VIRMA: variants seen among roughly 807,000 people sequenced by gnomAD.
VIRMA encodes protein virilizer homolog.
A neutral mutation model predicts 182.4 loss-of-function variants in VIRMA; 65 were observed. The ratio of observed to expected loss-of-function variants is 0.36; its 90% confidence interval spans 0.29 to 0.44. VIRMA has a LOEUF of 0.44. Among genes scored for constraint, VIRMA ranks in the 20% least tolerant of loss-of-function variants. The pLI is 1.00. For missense variants in VIRMA, 1,752 were observed against 2,158.1 expected (o/e 0.81, Z 3.73); for synonymous variants, 709 against 743.1 (o/e 0.95, Z 0.75).
At position 94,491,704 on chromosome 8, in the gene VIRMA, G is replaced by A. The variant is rs763431931; in HGVS notation, c.5014C>T (p.Pro1672Ser). 6.2e-7 allele frequency: 1 copy of A among 1,614,014 alleles called. No individual in the cohort carries two copies. Among genetic ancestry groups the A allele is most frequent in the African/African-American group, 1.3e-5 (1 of 74,894 alleles). Residue 1672 changes from proline (P) to serine (S), a missense_variant, in exon 22 of 24, where the codon CCT becomes TCT. Physicochemically the swap from Pro to Ser is moderately conservative, Grantham distance 74 (BLOSUM62 -1). Transcript: ENST00000297591. ...ACTTTGAGTGGCCGTTTTGGTGGAG[G>A]TATTCCATCTTGAGGAACCACTTCT... Reference protein sequence around the residue: ...SKEVVPQDGIPPPKRPLKVSQ... With the variant: ...SKEVVPQDGISPPKRPLKVSQ...
At chr8:94,496,194 A>C in intron 18 of VIRMA, 134 bp downstream of exon 18, 1 of 772,484 alleles carries the variant, frequency 1.3e-6, no homozygotes, top group Non-Finnish European at 2.0e-6. Context: ...TTATTAATTC[A>C]AAGAGTTATT....
rs1398844932 is a variant in VIRMA, at chr8:94,496,542, C to T, written c.4231-62G>A. The T allele has an allele frequency of 2.1e-5, 29 of 1,370,164 alleles. No individual in the cohort carries two copies. The Admixed American group carries it at 5.1e-4, about 24-fold the overall frequency. The allele number at this position is 1,370,164 out of a possible 1,614,324, so 84.9% of individuals were successfully genotyped here. ...AGAAATTTACAAAGATGCATCCACA[C>T]TTATTCATATTATCTAAGCCATATG... On this transcript the variant is annotated intron_variant, in intron 17 of 23. Transcript: ENST00000297591.
chr8:94,493,919 A>T (rs1360526337), intron 20 of VIRMA, among the ~76,000 whole-genome samples: 1 of 152,208 alleles, frequency 6.6e-6, no homozygotes, highest in Non-Finnish European at 1.5e-5. Context: ...TTATACTCTT[A>T]CCTATTCAGC....
At position 94,527,198 on chromosome 8, in the gene VIRMA, A is replaced by G; in HGVS notation, c.1046T>C (p.Leu349Ser). ...AGTCTTGTATGGACAACTGAAGTAT[A>G]AGAGTGGTACAAGCTCCCTGTCATA... Reference protein sequence around the residue: ...DPYDRELVPLLYFSCPYKTTF... With the variant: ...DPYDRELVPLSYFSCPYKTTF... Residue 349 changes from leucine to serine, a missense_variant, in exon 8 of 24, where the codon TTA becomes TCA. Physicochemically the swap from Leu to Ser is moderately radical, Grantham distance 145. Around this residue, in one of 11 missense-constraint regions of VIRMA, gnomAD observed 401 missense variants for 455.1 expected, o/e 0.88. Coordinates refer to ENST00000297591, the MANE Select transcript of VIRMA (RefSeq NM_015496.5). 1 of 1,614,110 alleles carries G rather than the reference A, an allele frequency of 6.2e-7. No individual in the cohort carries two copies. Among genetic ancestry groups the G allele is most frequent in the Non-Finnish European group, 8.5e-7 (1 of 1,179,960 alleles).
intron 1 of VIRMA, among the ~76,000 whole-genome samples, chr8:94,551,289 T>C (rs892176716): frequency 1.3e-5 from 2 of 152,236 alleles, no homozygotes; most frequent in African/African-American, 4.8e-5. Context: ...GTATCTTTTA[T>C]TTATACCCAC....
chr8:94,509,516 T>C (rs1216512547), intron 15 of VIRMA, among the ~76,000 whole-genome samples, 172 bp downstream of exon 15: 2 of 151,682 alleles, frequency 1.3e-5, no homozygotes, highest in African/African-American at 4.8e-5. Context: ...TATGATCTTA[T>C]AAAGGAAAGA....
In VIRMA at chr8:94,488,854, C is replaced by T. The variant is rs200651420; in HGVS notation, c.5291G>A (p.Arg1764His). The T allele has an allele frequency of 9.4e-5, 152 of 1,612,446 alleles. No individual in the cohort carries two copies. The highest frequency in any genetic ancestry group is 1.6e-4 in the East Asian group (7 of 44,886). The stretch of plus-strand genomic sequence containing the variant: ...AGAAGCACGGTCCCGAGGACTTGGG[C>T]GGTAACCTGTAAAAGAAAGAATACA... Reference protein sequence around the residue: ...PLRPLSSTGYRPSPRDRASRG... With the variant: ...PLRPLSSTGYHPSPRDRASRG... The change falls in exon 24 of 24, where the codon CGC becomes CAC. Residue 1764 changes from arginine (R) to histidine (H), a missense_variant. Transcript: ENST00000297591.
At chr8:94,537,420 G>C (rs1036627313) in intron 3 of VIRMA, among the ~76,000 whole-genome samples, 1 of 152,090 alleles carries the variant, frequency 6.6e-6, no homozygotes, top group Non-Finnish European at 1.5e-5. Context: ...TACAGCCAGA[G>C]TAGAGAACCA....
intron 15 of VIRMA, among the ~76,000 whole-genome samples, chr8:94,507,767 C>G (rs558019517): frequency 6.6e-6 from 1 of 151,222 alleles, no homozygotes; most frequent in East Asian, 2.0e-4. Flanking sequence ...AACAAACAAA[C>G]AAAAAAACAA....
intron 2 of VIRMA, among the ~76,000 whole-genome samples, chr8:94,541,591 G>A (rs747228147): frequency 7.9e-5 from 12 of 151,836 alleles, no homozygotes; most frequent in Non-Finnish European, 1.5e-4. Context: ...GCCCAGGCTG[G>A]AGTGCAGTGG....
chr8:94,525,364 T>C (rs1033874309), intron 8 of VIRMA, among the ~76,000 whole-genome samples: 4 of 152,208 alleles, frequency 2.6e-5, no homozygotes, highest in African/African-American at 9.6e-5. Context: ...GTTTTTCTCC[T>C]TATCTTACTC....
At position 94,492,216 on chromosome 8, in the gene VIRMA, A is replaced by T. The variant is rs150288360; in HGVS notation, c.4809-307T>A. Among the ~76,000 whole-genome samples, 43 of 152,310 alleles carry T rather than the reference A, an allele frequency of 2.8e-4. No homozygotes were observed. The East Asian group carries it at 7.1e-3, about 25-fold the overall frequency. ...TGGCCAAATTATTACGTTTAAATTTAAAAAATTCAAACAATGTTCATGATT... is the reference window on the plus strand; with the variant it reads ...TGGCCAAATTATTACGTTTAAATTTTAAAAATTCAAACAATGTTCATGATT... On this transcript the variant is annotated intron_variant, in intron 21 of 23. Transcript: ENST00000297591.
intron 6 of VIRMA, among the ~76,000 whole-genome samples, chr8:94,530,575 G>GT (rs958528191): frequency 1.1e-4 from 16 of 152,094 alleles, no homozygotes; most frequent in South Asian, 6.2e-4. Context: ...CATGGGGGGA[G>GT]ACTGCATCAA....
chr8:94,542,347 A>G (rs1370664049), intron 2 of VIRMA, among the ~76,000 whole-genome samples: 1 of 152,174 alleles, frequency 6.6e-6, no homozygotes, highest in Non-Finnish European at 1.5e-5. Flanking sequence ...TCTCCTGGCA[A>G]AGAAGTGAAG....
At chr8:94,514,096 C>T (rs1290754880) in intron 11 of VIRMA, among the ~76,000 whole-genome samples, 1 of 151,966 alleles carries the variant, frequency 6.6e-6, no homozygotes, top group Non-Finnish European at 1.5e-5. Flanking sequence ...CTCTCACACA[C>T]ACACACGCAA....
chr8:94,516,949 C>G (rs1288691547), intron 10 of VIRMA, among the ~76,000 whole-genome samples: 1 of 152,050 alleles, frequency 6.6e-6, no homozygotes, highest in East Asian at 1.9e-4. Context: ...AACGAGGAAC[C>G]AAAATAAAAT....
intron 22 of VIRMA, 64 bp from the exon 23 acceptor site, chr8:94,490,146 A>G: frequency 6.6e-7 from 1 of 1,517,846 alleles, no homozygotes; most frequent in South Asian, 1.3e-5. Context: ...CTTTTAAGTG[A>G]CAGATTTTTC....
At chr8:94,509,333 C>T (rs1056516561) in intron 15 of VIRMA, among the ~76,000 whole-genome samples, 8 of 150,986 alleles carry the variant, frequency 5.3e-5, no homozygotes, top group Admixed American at 2.0e-4. Flanking sequence ...CCCAGTGGGG[C>T]AGAGGCTGCA....
At chr8:94,552,567 G>GTT (rs968245803) in intron 1 of VIRMA, among the ~76,000 whole-genome samples, 1 of 145,788 alleles carries the variant, frequency 6.9e-6, no homozygotes, top group African/African-American at 2.5e-5. Flanking sequence ...TGTGAAGTTC[G>GTT]TTTTTTTTTT....
Sources: gnomAD v4.1 joint callset for allele counts (sites outside exome capture counted in the v4.1 genomes callset) on GRCh38, gnomAD v4.1.1 for gene constraint, gnomAD v4.1.1 regional missense constraint, MANE v1.5 for transcripts, NCBI Gene and HGNC (gene_info 2026-07-23, HGNC 2026-07-21) for gene names.